Variants in EMC3 observed in about 807,000 individuals in gnomAD.
EMC3 encodes the protein 30 kDa protein.
EMC3 carries 13 observed loss-of-function variants against 36.6 expected under a neutral mutation model. That is an observed-to-expected ratio of 0.35 (90% CI 0.23 to 0.56). The LOEUF (loss-of-function observed/expected upper bound fraction) is 0.56. EMC3 is among the 20% of genes least tolerant of loss of function. The pLI is 0.84. For synonymous variants in EMC3, 120 were observed against 111.9 expected (o/e 1.07, Z -0.46); for missense variants, 220 against 324.5 (o/e 0.68, Z 2.47).
intron 1 of EMC3, among the ~76,000 whole-genome samples, chr3:9,986,140 C>T (rs996182212): frequency 1.1e-4 from 17 of 152,144 alleles, no homozygotes; most frequent in African/African-American, 3.9e-4. Flanking sequence ...AAAGACTAAA[C>T]GCTGTAACGC....
chr3:10,008,359 C>T lies in EMC3; in HGVS notation c.-242+2664G>A, dbSNP rs1296794081. 4 of 1,350,160 alleles carry T rather than the reference C, an allele frequency of 3.0e-6. No homozygotes were observed. In the East Asian group the frequency reaches 1.8e-4, roughly 62 times the overall value. 83.6% of individuals were successfully genotyped at this position (1,350,160 alleles called of 1,614,324 possible). A position where few individuals can be genotyped will look rare whatever the true frequency, so the allele number is the denominator to read the frequency against. On this transcript the variant is annotated intron_variant, in intron 1 of 8. Coordinates refer to the EMC3 transcript ENST00000470827. ...ACTATAGGGAAGGGGCTCCAGGCAC[C>T]AGGGCAAAAACCCACAAACAGAGAA...
upstream of EMC3, chr3:9,987,065 A>G: frequency 2.2e-6 from 2 of 927,684 alleles, no homozygotes; most frequent in Non-Finnish European, 2.6e-6. Context: ...ATACAAAAAA[A>G]TTAGCCAGGC....
intron 1 of EMC3, among the ~76,000 whole-genome samples, chr3:9,999,128 G>A (rs6796419): frequency 0.25 from 38,030 of 151,988 alleles, 5,954 homozygotes; most frequent in African/African-American, 0.44. Context: ...TCTGGATATT[G>A]ATCCCTTATC....
intron 1 of EMC3, among the ~76,000 whole-genome samples, chr3:10,006,163 C>G (rs1331635265): frequency 6.6e-6 from 1 of 152,200 alleles, no homozygotes; most frequent in Non-Finnish European, 1.5e-5. Flanking sequence ...GTCCCTGATA[C>G]ACCAAAAACC....
intron 1 of EMC3, among the ~76,000 whole-genome samples, chr3:9,995,785 G>A (rs768887206): frequency 9.9e-5 from 15 of 151,888 alleles, no homozygotes; most frequent in African/African-American, 3.6e-4. Context: ...CTACAGGCAC[G>A]TGTCACCACA....
At chr3:9,985,845 G>A (rs2085965345) in intron 1 of EMC3, among the ~76,000 whole-genome samples, 1 of 152,182 alleles carries the variant, frequency 6.6e-6, no homozygotes, top group Non-Finnish European at 1.5e-5. Context: ...AGTGAGCTGA[G>A]ATGACGCCAC....
intron 1 of EMC3, among the ~76,000 whole-genome samples, chr3:10,001,405 C>CAAAAAAAAAAAA: frequency 1.3e-5 from 1 of 79,654 alleles, no homozygotes; most frequent in African/African-American, 4.1e-5. Flanking sequence ...GCTAAAAATA[C>CAAAAAAAAAAAA]AAAAAAAAAA....
At chr3:9,986,003 T>C (rs1382093834) in intron 1 of EMC3, among the ~76,000 whole-genome samples, 2 of 152,258 alleles carry the variant, frequency 1.3e-5, no homozygotes, top group Non-Finnish European at 2.9e-5. Flanking sequence ...ACATCTCTAA[T>C]GGCAGTTTTA....
chr3:9,978,755 G>C (rs2085877162), intron 1 of EMC3, among the ~76,000 whole-genome samples: 1 of 152,066 alleles, frequency 6.6e-6, no homozygotes, highest in South Asian at 2.1e-4. Flanking sequence ...ACTTGAACCA[G>C]GAAGGTAGGG....
intron 5 of EMC3, among the ~76,000 whole-genome samples, chr3:9,970,880 T>G (rs961042202): frequency 6.6e-6 from 1 of 151,988 alleles, no homozygotes; most frequent in Non-Finnish European, 1.5e-5. Flanking sequence ...ACTCCCATTC[T>G]GAATTCCATT....
At chr3:10,010,552 T>C (rs750407038) in intron 1 of EMC3, 1 of 152,800 alleles carries the variant, frequency 6.5e-6, no homozygotes, top group Non-Finnish European at 1.5e-5. Context: ...GTTTCCGTCA[T>C]AGCCCCCACC....
intron 3 of EMC3, among the ~76,000 whole-genome samples, chr3:9,975,348 T>A (rs13062917): frequency 0.23 from 34,229 of 151,982 alleles, 4,482 homozygotes; most frequent in African/African-American, 0.36. Flanking sequence ...AATTTCTAGG[T>A]CCAAGGATTT....
At chr3:9,980,846 C>T (rs1161886077) in intron 1 of EMC3, among the ~76,000 whole-genome samples, 2 of 152,162 alleles carry the variant, frequency 1.3e-5, no homozygotes, top group African/African-American at 4.8e-5. Flanking sequence ...CCTTGTCTTA[C>T]ACTGTACCCC....
At position 9,970,565 on chromosome 3, in the gene EMC3, C is replaced by T. The variant is rs1188206166; in HGVS notation, c.574+17G>A. 2 of 1,613,700 alleles carry T rather than the reference C, an allele frequency of 1.2e-6. No homozygotes were observed. Among genetic ancestry groups the T allele is most frequent in the African/African-American group, 1.3e-5 (1 of 74,902 alleles). On this transcript the variant is annotated intron_variant, in intron 6 of 7. Coordinates refer to ENST00000245046, the MANE Select transcript of EMC3 (RefSeq NM_001394674.1). ...TCTATGGAAGTATTTGCTTAGTAAA[C>T]CTGACATGCTTCTTACCATTATCTT...
At chr3:9,992,331 G>C (rs2086064741) in intron 1 of EMC3, among the ~76,000 whole-genome samples, 1 of 151,894 alleles carries the variant, frequency 6.6e-6, no homozygotes, top group Non-Finnish European at 1.5e-5. Flanking sequence ...TCACCGTGTT[G>C]GCCAGGCTGG....
At chr3:10,000,197 C>G (rs975720457) in intron 1 of EMC3, among the ~76,000 whole-genome samples, 1 of 152,038 alleles carries the variant, frequency 6.6e-6, no homozygotes, top group Non-Finnish European at 1.5e-5. Flanking sequence ...CACCACCACG[C>G]CTGGCTAATT....
chr3:9,984,022 T>C (rs1281515972), intron 1 of EMC3, among the ~76,000 whole-genome samples: 1 of 152,110 alleles, frequency 6.6e-6, no homozygotes, highest in Admixed American at 6.5e-5. Flanking sequence ...AAATGCTAAA[T>C]GTCTGAGCTT....
At chr3:9,974,001 T>A (rs1167896626) in intron 4 of EMC3, among the ~76,000 whole-genome samples, 2 of 152,160 alleles carry the variant, frequency 1.3e-5, no homozygotes, top group Admixed American at 1.3e-4. Context: ...GTGGAATATA[T>A]AAGCATAGAA....
chr3:9,992,607 T>G (rs2086068887), intron 1 of EMC3, among the ~76,000 whole-genome samples: 1 of 152,244 alleles, frequency 6.6e-6, no homozygotes, highest in African/African-American at 2.4e-5. Context: ...TTAATAAATG[T>G]GAAGATGTTC....
Sources: gnomAD v4.1 joint callset for allele counts (sites outside exome capture counted in the v4.1 genomes callset) on GRCh38, gnomAD v4.1.1 for gene constraint, MANE v1.5 for transcripts, NCBI Gene and HGNC (gene_info 2026-07-23, HGNC 2026-07-21) for gene names.